LPP: variants seen among roughly 807,000 people sequenced by gnomAD.
LPP encodes the protein lipoma-preferred partner.
A neutral mutation model predicts 60.4 loss-of-function variants in LPP; 38 were observed. That is an observed-to-expected ratio of 0.63 (90% CI 0.49 to 0.83). The LOEUF is 0.83. Among genes scored for constraint, LPP ranks in the 40% least tolerant of loss-of-function variants. The pLI, the probability that LPP is intolerant of heterozygous loss-of-function variation, is 0.00. For synonymous variants in LPP, 328 were observed against 290.8 expected, an observed-to-expected ratio of 1.13 and a Z score of -1.30; for missense variants, 902 against 783.6, an observed-to-expected ratio of 1.15 and a Z score of -1.80.
intron 7 of LPP, among the ~76,000 whole-genome samples, chr3:188,629,308 A>G (rs1847427019): frequency 6.6e-6 from 1 of 152,134 alleles, no homozygotes; most frequent in Non-Finnish European, 1.5e-5. Context: ...ATGTCATTGT[A>G]TACCTAGAAA....
At chr3:188,528,696 C>T (rs1821339654) in intron 6 of LPP, among the ~76,000 whole-genome samples, 2 of 152,166 alleles carry the variant, frequency 1.3e-5, no homozygotes, top group African/African-American at 2.4e-5. Context: ...AACTAAGACT[C>T]ACCAAGAAGA....
intron 3 of LPP, among the ~76,000 whole-genome samples, chr3:188,382,468 G>T (rs1915930): frequency 0.55 from 84,179 of 152,004 alleles, 23,471 homozygotes; most frequent in East Asian, 0.71. Context: ...AGAATTGGTG[G>T]TCACTTTTTA....
In LPP at chr3:188,886,695, A is replaced by T. The variant is rs1211800890; in HGVS notation, c.*12216A>T. 1.8e-5 allele frequency: 4 copies of T among 220,018 alleles called. No homozygotes were observed. Among genetic ancestry groups the T allele is most frequent in the Non-Finnish European group, 3.6e-5 (4 of 111,488 alleles). 13.6% of individuals were successfully genotyped at this position (220,018 alleles called of 1,614,324 possible). On this transcript the variant is annotated 3_prime_UTR_variant, in exon 12 of 12. Transcript: ENST00000617246. ...ATAATATGTTCTCCCATATTTAGGG[A>T]TCATACAATTGTATTGTCTTCAAAA...
intron 5 of LPP, among the ~76,000 whole-genome samples, chr3:188,495,103 A>T (rs1215268145): frequency 1.3e-5 from 1 of 77,292 alleles, no homozygotes; most frequent in Non-Finnish European, 2.8e-5. Flanking sequence ...ATTTTATTAT[A>T]TATTTTTATA....
intron 2 of LPP, among the ~76,000 whole-genome samples, chr3:188,301,200 A>G (rs1469031394): frequency 6.6e-6 from 1 of 151,208 alleles, no homozygotes; most frequent in Non-Finnish European, 1.5e-5. Context: ...ATATTTATCT[A>G]TTTGCCTATC....
chr3:188,370,834 A>G (rs1204452659), intron 3 of LPP, among the ~76,000 whole-genome samples: 1 of 152,142 alleles, frequency 6.6e-6, no homozygotes, highest in African/African-American at 2.4e-5. Context: ...TACATGGCAT[A>G]TGGACCCTGA....
chr3:188,737,060 TA>T (rs1722773957), intron 8 of LPP, among the ~76,000 whole-genome samples: 1 of 152,244 alleles, frequency 6.6e-6, no homozygotes, highest in East Asian at 1.9e-4. Flanking sequence ...CCTTAAAATA[TA>T]AACGGAGTAC....
At chr3:188,253,698 C>T (rs957789701) in intron 2 of LPP, among the ~76,000 whole-genome samples, 9 of 152,144 alleles carry the variant, frequency 5.9e-5, no homozygotes, top group Admixed American at 5.9e-4. Context: ...ACAAGTCATC[C>T]TCTCTGGTCC....
At position 188,233,825 on chromosome 3, in the gene LPP, C is replaced by G. The variant is rs1360808997; in HGVS notation, c.-67+8298C>G. Among the ~76,000 whole-genome samples the G allele has an allele frequency of 2.6e-5, 4 of 152,078 alleles. No homozygotes were observed. The East Asian group carries it at 7.8e-4, about 30-fold the overall frequency. ...TACAACTCCACAAAGTCTCTGGTTA[C>G]TCTTTTAATCTTGTCATTTTCTTCG... On this transcript the variant is annotated intron_variant, in intron 2 of 11. Transcript: ENST00000617246.
intron 6 of LPP, among the ~76,000 whole-genome samples, chr3:188,601,879 G>C (rs56035217): frequency 5.9e-5 from 9 of 151,392 alleles, no homozygotes; most frequent in African/African-American, 2.2e-4. Context: ...GACCAGCCTG[G>C]ACAACACAGT....
intron 7 of LPP, among the ~76,000 whole-genome samples, chr3:188,663,784 A>G (rs532864674): frequency 1.3e-5 from 2 of 152,298 alleles, no homozygotes; most frequent in South Asian, 2.1e-4. Context: ...TGGCTTCAGT[A>G]TGAAACTCTT....
At chr3:188,664,726 A>G (rs1477105165) in intron 7 of LPP, among the ~76,000 whole-genome samples, 1 of 152,154 alleles carries the variant, frequency 6.6e-6, no homozygotes, top group Non-Finnish European at 1.5e-5. Flanking sequence ...GAGGTTATCC[A>G]TATCTTCTGT....
At chr3:188,160,330 G>T (rs1342229970) in intron 1 of LPP, among the ~76,000 whole-genome samples, 2 of 152,124 alleles carry the variant, frequency 1.3e-5, no homozygotes, top group Non-Finnish European at 2.9e-5. Context: ...AAGTAGCTGG[G>T]ATTACAGGTG....
chr3:188,841,299 GTCCTGAC>G (rs781565465), intron 9 of LPP, among the ~76,000 whole-genome samples: 89,029 of 151,346 alleles, frequency 0.59, 26,533 homozygotes, highest in East Asian at 0.85. Context: ...GTGGTACAGT[GTCCTGAC>G]AACTTAAGCT....
chr3:188,166,028 C>G (rs2148748588), intron 1 of LPP, among the ~76,000 whole-genome samples: 1 of 152,136 alleles, frequency 6.6e-6, no homozygotes, highest in South Asian at 2.1e-4. Context: ...GATGAGATGG[C>G]TCTTTCTGGA....
chr3:188,810,069 G>C (rs990612801), intron 9 of LPP, among the ~76,000 whole-genome samples: 2 of 152,046 alleles, frequency 1.3e-5, no homozygotes, highest in African/African-American at 4.8e-5. Context: ...CAGGTCTTTC[G>C]TGTGAGCATC....
chr3:188,696,297 T>C (rs1347627013), intron 7 of LPP, among the ~76,000 whole-genome samples: 4 of 152,162 alleles, frequency 2.6e-5, no homozygotes, highest in Non-Finnish European at 4.4e-5. Context: ...TTATACATCA[T>C]AGTATATCTT....
chr3:188,368,632 T>C (rs1771924364), intron 3 of LPP, among the ~76,000 whole-genome samples: 1 of 151,428 alleles, frequency 6.6e-6, no homozygotes, highest in African/African-American at 2.4e-5. Context: ...AGAAAGAGGT[T>C]AACTGTTTCT....
At chr3:188,502,804 G>GTT (rs905457625) in intron 5 of LPP, among the ~76,000 whole-genome samples, 11 of 152,010 alleles carry the variant, frequency 7.2e-5, no homozygotes, top group African/African-American at 2.7e-4. Flanking sequence ...TTAGCAGACA[G>GTT]TTGGAAAAAA....
Sources: gnomAD v4.1 joint callset for allele counts (sites outside exome capture counted in the v4.1 genomes callset) on GRCh38, gnomAD v4.1.1 for gene constraint, MANE v1.5 for transcripts, NCBI Gene and HGNC (gene_info 2026-07-23, HGNC 2026-07-21) for gene names.